Variants in S100Z observed in about 807,000 individuals in gnomAD.
S100Z encodes the protein protein S100-Z.
A neutral mutation model predicts 8.5 loss-of-function variants in S100Z; 11 were observed. The observed-to-expected ratio is 1.30, with a 90% CI of 0.82 to 2.15. S100Z has a LOEUF of 2.15. S100Z is among the 30% of genes most tolerant of loss of function. S100Z has a pLI of 0.00. For synonymous variants in S100Z, 34 were observed against 43.8 expected (o/e 0.78, Z 0.89); for missense variants, 126 against 117.9 (o/e 1.07, Z -0.32).
In S100Z at chr5:76,921,455, A is replaced by C. The variant is rs1745033176; in HGVS notation, c.*741A>C. 1 of 152,214 alleles carries C rather than the reference A, an allele frequency of 6.6e-6. No homozygotes were observed. Among genetic ancestry groups the C allele is most frequent in the Non-Finnish European group, 1.5e-5 (1 of 68,044 alleles). The allele number at this position is 152,214 out of a possible 1,614,324, so 9.4% of individuals were successfully genotyped here. On this transcript the variant is annotated 3_prime_UTR_variant, in exon 5 of 5. Transcript: ENST00000317593. ...AAGTCCCAGAAGGTAACAGAGATAG[A>C]ACTAGGCACGATTTTCTATTCTTCT...
chr5:76,866,009 C>T (rs760092444), intron 1 of S100Z, among the ~76,000 whole-genome samples: 7 of 148,432 alleles, frequency 4.7e-5, no homozygotes, highest in Non-Finnish European at 7.4e-5. Context: ...AGTGAGACTC[C>T]ATCTCAAAGA....
chr5:76,924,227 A>G (rs1745094988), downstream of S100Z, among the ~76,000 whole-genome samples: 1 of 152,208 alleles, frequency 6.6e-6, no homozygotes. Flanking sequence ...TTTACTATAT[A>G]AATTGCCACA....
intron 1 of S100Z, among the ~76,000 whole-genome samples, chr5:76,854,453 G>C (rs1032864826): frequency 6.6e-6 from 1 of 152,214 alleles, no homozygotes; most frequent in Non-Finnish European, 1.5e-5. Context: ...ATTTATCAAA[G>C]AAGTTGGAGG....
At chr5:76,932,073 T>G in the S100Z span, among the ~76,000 whole-genome samples, 1 of 152,220 alleles carries the variant, frequency 6.6e-6, no homozygotes, top group Non-Finnish European at 1.5e-5. Flanking sequence ...TGTCAGTTAT[T>G]TTCAAAGGTC....
intron 1 of S100Z, among the ~76,000 whole-genome samples, chr5:76,855,589 A>G (rs1041282302): frequency 1.3e-5 from 2 of 152,220 alleles, no homozygotes; most frequent in African/African-American, 4.8e-5. Context: ...CCCTTTTGGA[A>G]CAGGAGTATT....
chr5:76,936,615 C>CTACA, the S100Z span, among the ~76,000 whole-genome samples: 2 of 60,470 alleles, frequency 3.3e-5, no homozygotes, highest in Non-Finnish European at 7.1e-5. Context: ...ATTAAAGTTC[C>CTACA]TACACACACA....
At chr5:76,924,631 C>T (rs909029289), downstream of S100Z, among the ~76,000 whole-genome samples, 16 of 152,222 alleles carry the variant, frequency 1.1e-4, no homozygotes, top group Non-Finnish European at 1.8e-4. Flanking sequence ...ATTTATGGGC[C>T]GGGTGTGGTG....
chr5:76,928,332 T>A, the S100Z span, among the ~76,000 whole-genome samples: 2 of 152,240 alleles, frequency 1.3e-5, no homozygotes, highest in Non-Finnish European at 2.9e-5. Flanking sequence ...GCTTCCTGAA[T>A]AATCTTTTAC....
chr5:76,906,974 GTGTA>G (rs1226228077), intron 4 of S100Z, among the ~76,000 whole-genome samples: 49 of 114,686 alleles, frequency 4.3e-4, no homozygotes, highest in African/African-American at 2.4e-3. Context: ...CATTGTGTGT[GTGTA>G]TATATATATA....
chr5:76,889,324 C>T (rs6872686), intron 4 of S100Z, among the ~76,000 whole-genome samples: 4,247 of 152,164 alleles, frequency 0.028, 204 homozygotes, highest in African/African-American at 0.094. Context: ...GGTGTTCGTC[C>T]GCTCATTGAA....
At chr5:76,889,442 C>T (rs1400847968) in intron 4 of S100Z, among the ~76,000 whole-genome samples, 1 of 152,162 alleles carries the variant, frequency 6.6e-6, no homozygotes, top group Non-Finnish European at 1.5e-5. Flanking sequence ...GAGAAGATCT[C>T]GACATTTCGC....
At chr5:76,942,975 T>C in the S100Z span, among the ~76,000 whole-genome samples, 6 of 152,226 alleles carry the variant, frequency 3.9e-5, no homozygotes, top group Non-Finnish European at 8.8e-5. Context: ...GTGGTTCCTA[T>C]GGGTTAGATA....
chr5:76,891,322 G>C (rs1051464217), intron 4 of S100Z, among the ~76,000 whole-genome samples: 1 of 152,178 alleles, frequency 6.6e-6, no homozygotes. Flanking sequence ...ACCTCATTCA[G>C]ATTCCAATTC....
the S100Z span, among the ~76,000 whole-genome samples, chr5:76,929,468 TA>T: frequency 6.6e-6 from 1 of 152,166 alleles, no homozygotes; most frequent in Admixed American, 6.5e-5. Flanking sequence ...AAAAGGGAAT[TA>T]AAAGCATTGT....
At chr5:76,931,043 G>T in the S100Z span, among the ~76,000 whole-genome samples, 1 of 152,060 alleles carries the variant, frequency 6.6e-6, no homozygotes, top group African/African-American at 2.4e-5. Flanking sequence ...ATTCTTGCTG[G>T]CTTGTAGGTG....
rs1039462489 is a variant in S100Z at position 76,857,556 on chromosome 5, G to A, written c.-176+7401G>A. On this transcript the variant is annotated intron_variant, in intron 1 of 4. Transcript: ENST00000317593. ...GCTCCGCCACCCAGACTGGGGTGCAGTGATGAGATCTTAGCTCACTGCAAA... is the reference window on the plus strand; with the variant it reads ...GCTCCGCCACCCAGACTGGGGTGCAATGATGAGATCTTAGCTCACTGCAAA... Among the ~76,000 whole-genome samples, 18 of 148,238 alleles carry A rather than the reference G, an allele frequency of 1.2e-4. No homozygotes were observed. In the South Asian group the frequency reaches 2.2e-3, roughly 18 times the overall value.
At chr5:76,937,592 C>T in the S100Z span, among the ~76,000 whole-genome samples, 1 of 151,052 alleles carries the variant, frequency 6.6e-6, no homozygotes, top group Non-Finnish European at 1.5e-5. Flanking sequence ...CTTGTCTCTA[C>T]CATAAAAAAA....
chr5:76,919,582 T>TTC (rs145735630), intron 4 of S100Z, among the ~76,000 whole-genome samples: 80,663 of 127,870 alleles, frequency 0.63, 25,860 homozygotes, highest in Non-Finnish European at 0.65. Context: ...CTCTCTCTCT[T>TTC]TCTCTCTCCC....
At chr5:76,939,388 G>A in the S100Z span, among the ~76,000 whole-genome samples, 111,853 of 150,780 alleles carry the variant, frequency 0.74, 42,026 homozygotes, top group East Asian at 0.93. Flanking sequence ...TCCTGACCTC[G>A]TGATCCGCCT....
Sources: gnomAD v4.1 joint callset for allele counts (sites outside exome capture counted in the v4.1 genomes callset) on GRCh38, gnomAD v4.1.1 for gene constraint, MANE v1.5 for transcripts, NCBI Gene and HGNC (gene_info 2026-07-23, HGNC 2026-07-21) for gene names.